Variants in AGBL1 observed in about 807,000 individuals in gnomAD.
AGBL1 encodes AGBL carboxypeptidase 1.
In AGBL1, 130 loss-of-function variants were observed where a neutral mutation model predicts 118.9. That is an observed-to-expected ratio of 1.09 (90% CI 0.95 to 1.26). AGBL1 has a LOEUF of 1.26. AGBL1 is among the 50% of genes most tolerant of loss of function. AGBL1 has a pLI of 0.00. For missense variants in AGBL1, 1,584 were observed against 1,298.1 expected (o/e 1.22, Z -3.38); for synonymous variants, 555 against 478.9 (o/e 1.16, Z -2.08).
intron 22 of AGBL1, among the ~76,000 whole-genome samples, chr15:86,710,121 A>G (rs940190585): frequency 3.9e-5 from 6 of 152,160 alleles, no homozygotes. Flanking sequence ...ATTGTATGTG[A>G]TCACTTTTTG....
chr15:86,828,367 G>A (rs2079060660), intron 22 of AGBL1, among the ~76,000 whole-genome samples: 3 of 152,066 alleles, frequency 2.0e-5, no homozygotes, highest in South Asian at 4.1e-4. Context: ...GGAAAAAAGG[G>A]ACTTTGCAAA....
intron 18 of AGBL1, among the ~76,000 whole-genome samples, chr15:86,456,375 A>G (rs1385284381): frequency 6.6e-6 from 1 of 152,200 alleles, no homozygotes; most frequent in Non-Finnish European, 1.5e-5. Context: ...AAAATCTAGC[A>G]TGGGATTTCC....
chr15:86,918,127 C>T (rs552974720), downstream of AGBL1, among the ~76,000 whole-genome samples: 1 of 152,194 alleles, frequency 6.6e-6, no homozygotes, highest in Non-Finnish European at 1.5e-5. Context: ...TTTATTTGGG[C>T]AGTTCATGAA....
chr15:86,232,606 T>A (rs534948990), intron 6 of AGBL1, among the ~76,000 whole-genome samples: 2 of 151,946 alleles, frequency 1.3e-5, no homozygotes, highest in Non-Finnish European at 2.9e-5. Flanking sequence ...CCGATGGAAT[T>A]TGTTGCATTT....
At chr15:86,453,077 T>C (rs534590640) in intron 18 of AGBL1, among the ~76,000 whole-genome samples, 19 of 152,324 alleles carry the variant, frequency 1.2e-4, no homozygotes, top group African/African-American at 4.3e-4. Context: ...TTTATTGTGT[T>C]TCGCCCTTTT....
At chr15:86,969,647 G>T (rs1396677682) in intron 23 of AGBL1, among the ~76,000 whole-genome samples, 2 of 152,002 alleles carry the variant, frequency 1.3e-5, no homozygotes, top group East Asian at 3.9e-4. Flanking sequence ...GTATTCATGT[G>T]TTGGTATATG....
intron 23 of AGBL1, among the ~76,000 whole-genome samples, chr15:86,987,450 A>G (rs1163971029): frequency 6.6e-6 from 1 of 152,186 alleles, no homozygotes; most frequent in Non-Finnish European, 1.5e-5. Context: ...TACAAATAAG[A>G]CAGTTTATTT....
At chr15:86,499,237 A>T (rs2082889663) in intron 18 of AGBL1, among the ~76,000 whole-genome samples, 1 of 151,942 alleles carries the variant, frequency 6.6e-6, no homozygotes, top group African/African-American at 2.4e-5. Context: ...GTTATCAGCA[A>T]AGGGAATAAT....
At chr15:86,732,292 T>C (rs1294000758) in intron 22 of AGBL1, among the ~76,000 whole-genome samples, 1 of 152,244 alleles carries the variant, frequency 6.6e-6, no homozygotes, top group East Asian at 1.9e-4. Context: ...TGTGATGTTT[T>C]CCAGCGTTAT....
At position 86,998,077 on chromosome 15, in the gene AGBL1, G is replaced by A. The variant is rs75219560; in HGVS notation, c.3323+9989G>A. 7.0e-3 allele frequency among the ~76,000 whole-genome samples: 1,058 copies of A among 152,188 alleles called. 2 individuals carry two copies. The highest frequency in any genetic ancestry group is 0.012 in the Non-Finnish European group (786 of 68,020). ...ATGTCTTAGGAACACATAGGATTGG[G>A]GATTGTGACAGGCAGCTTCTGAGAT... On this transcript the variant is annotated intron_variant, in intron 24 of 24. Coordinates refer to the AGBL1 transcript ENST00000441037.
At chr15:86,905,844 C>A (rs757900617) in intron 22 of AGBL1, among the ~76,000 whole-genome samples, 1 of 152,150 alleles carries the variant, frequency 6.6e-6, no homozygotes, top group Non-Finnish European at 1.5e-5. Context: ...CTTTACTCAG[C>A]TACTTTATTA....
At chr15:86,925,143 A>AGAGGAAGAGGAG (rs1555463567) in intron 23 of AGBL1, among the ~76,000 whole-genome samples, 6 of 80,530 alleles carry the variant, frequency 7.5e-5, no homozygotes, top group African/African-American at 1.7e-4. Context: ...AGGAAGAGGA[A>AGAGGAAGAGGAG]GAGGAGGAGG....
chr15:86,538,334 C>T (rs879043083), intron 19 of AGBL1, among the ~76,000 whole-genome samples: 3 of 152,140 alleles, frequency 2.0e-5, no homozygotes, highest in African/African-American at 7.2e-5. Context: ...TCTGCATGTG[C>T]CTAATGTGGT....
chr15:86,152,396 C>G (rs1028793384), intron 3 of AGBL1, among the ~76,000 whole-genome samples: 7 of 152,216 alleles, frequency 4.6e-5, no homozygotes, highest in Admixed American at 4.6e-4. Context: ...ACAAACCTGA[C>G]AAAAACAAGA....
chr15:86,895,995 G>A (rs896779548), intron 22 of AGBL1, among the ~76,000 whole-genome samples: 1 of 151,762 alleles, frequency 6.6e-6, no homozygotes, highest in Non-Finnish European at 1.5e-5. Context: ...CCCTAAACAC[G>A]ACTTTTAAAA....
intron 22 of AGBL1, among the ~76,000 whole-genome samples, chr15:86,801,613 G>C (rs1377101): frequency 0.63 from 95,962 of 151,846 alleles, 30,330 homozygotes; most frequent in Middle Eastern, 0.71. Context: ...GTATCTGTGT[G>C]TATCTCTATA....
chr15:86,468,396 G>T (rs968388743), intron 18 of AGBL1, among the ~76,000 whole-genome samples: 4 of 152,172 alleles, frequency 2.6e-5, no homozygotes, highest in African/African-American at 9.7e-5. Flanking sequence ...GGCTTGTTAA[G>T]CTTGGGGTGT....
chr15:86,255,820 T>C (rs2142011085), intron 7 of AGBL1, among the ~76,000 whole-genome samples: 1 of 152,308 alleles, frequency 6.6e-6, no homozygotes, highest in East Asian at 1.9e-4. Context: ...TTGGAGTCAT[T>C]TGGGTAGCTT....
intron 6 of AGBL1, among the ~76,000 whole-genome samples, chr15:86,230,378 G>A (rs1233138875): frequency 2.6e-5 from 4 of 152,206 alleles, no homozygotes; most frequent in Admixed American, 2.6e-4. Context: ...AATTCTAAGA[G>A]TTCCAAGGAG....
Sources: allele counts gnomAD v4.1 joint callset (sites outside exome capture counted in the v4.1 genomes callset), GRCh38; gene constraint gnomAD v4.1.1; transcripts MANE v1.5; gene names NCBI Gene and HGNC (gene_info 2026-07-23, HGNC 2026-07-21).